Variants in CHGB observed in about 807,000 individuals in gnomAD.
CHGB encodes the protein secretogranin-1.
Under a neutral mutation model 69.9 loss-of-function variants are expected in CHGB, and 46 were observed. The ratio of observed to expected loss-of-function variants is 0.66; its 90% confidence interval spans 0.52 to 0.84. The LOEUF is 0.84. Ranked by LOEUF, CHGB falls within the 40% of genes least tolerant of loss-of-function variation. The pLI is 0.00. For synonymous variants in CHGB, 312 were observed against 298.2 expected, an observed-to-expected ratio of 1.05 and a Z score of -0.48; for missense variants, 796 against 822.2, an observed-to-expected ratio of 0.97 and a Z score of 0.39.
chr20:5,919,428 C>T (rs539100670), intron 3 of CHGB, among the ~76,000 whole-genome samples: 1 of 152,260 alleles, frequency 6.6e-6, no homozygotes, highest in Non-Finnish European at 1.5e-5. Context: ...CAGAGCTAGA[C>T]AGACAAATAA....
intron 3 of CHGB, among the ~76,000 whole-genome samples, chr20:5,921,312 G>A (rs925586609): frequency 6.6e-6 from 1 of 152,146 alleles, no homozygotes; most frequent in African/African-American, 2.4e-5. Flanking sequence ...CATTTCAAGT[G>A]CTCAACAGCA....
Position 5,922,649 on chromosome 20 carries a change from G to C in CHGB, c.505G>C (p.Glu169Gln). The change falls in exon 4 of 5, where the codon GAG becomes CAG. Residue 169 changes from glutamate (E) to glutamine (Q), a missense_variant. Glu to Gln is a conservative substitution (Grantham distance 29, BLOSUM62 2). Coordinates refer to ENST00000378961, the MANE Select transcript of CHGB (RefSeq NM_001819.3). ...CCAGAGAGAGGATGAGGAGGAGGAGGAGGGAGAGAACTATCAAAAAGGGGA... is the reference window on the plus strand; with the variant it reads ...CCAGAGAGAGGATGAGGAGGAGGAGCAGGGAGAGAACTATCAAAAAGGGGA... Reference protein sequence around the residue: ...KSQREDEEEEEGENYQKGERG... With the variant: ...KSQREDEEEEQGENYQKGERG... The C allele has an allele frequency of 1.2e-6, 2 of 1,614,040 alleles. No individual in the cohort carries two copies. Among genetic ancestry groups the C allele is most frequent in the Non-Finnish European group, 1.7e-6 (2 of 1,179,918 alleles).
Position 5,923,663 on chromosome 20 carries a change from A to T in CHGB, c.1519A>T (p.Ser507Cys), listed in dbSNP as rs762562313. Residue 507 changes from serine to cysteine, a missense_variant, in exon 4 of 5, where the codon AGC becomes TGC. By Grantham distance (112) the Ser-to-Cys change is moderately radical. Around this residue, in one of 3 missense-constraint regions of CHGB, gnomAD observed 274 missense variants for 298.9 expected, o/e 0.92. Coordinates refer to ENST00000378961, the MANE Select transcript of CHGB (RefSeq NM_001819.3). ...AGCTAGGTTTCAAGATAAACAATATAGCTCCCATCACACAGCTGAAAAGAG... is the reference window on the plus strand; with the variant it reads ...AGCTAGGTTTCAAGATAAACAATATTGCTCCCATCACACAGCTGAAAAGAG... The part of the protein sequence containing the change: ...EEARFQDKQY[S>C]SHHTAEKRKR... 6.2e-7 allele frequency: 1 copy of T among 1,614,136 alleles called. No homozygotes were observed. The highest frequency in any genetic ancestry group is 8.5e-7 in the Non-Finnish European group (1 of 1,180,034).
rs1221117593 is a variant in CHGB, at chr20:5,922,391, G to A, written c.247G>A (p.Val83Ile). 3 of 1,586,620 alleles carry A rather than the reference G, an allele frequency of 1.9e-6. No homozygotes were observed. Among genetic ancestry groups the A allele is most frequent in the South Asian group, 1.1e-5 (1 of 89,494 alleles). Residue 83 changes from valine to isoleucine, a missense_variant, in exon 4 of 5, where the codon GTA becomes ATA. This residue lies in a region of CHGB where 518 missense variants were observed against 506.3 expected (regional missense o/e 1.02). Transcript: ENST00000378961. Reference sequence around the variant, plus strand: ...TGAAAATGAAAACACAAAGTTTGAAGTAAGATTGTTAAGAGACCCAGCTGA... The same window carrying A: ...TGAAAATGAAAACACAAAGTTTGAAATAAGATTGTTAAGAGACCCAGCTGA... ...TTENENTKFE[V>I]RLLRDPADAS...
In CHGB at chr20:5,922,787, G is replaced by T. The variant is rs2088523243; in HGVS notation, c.643G>T (p.Ala215Ser). ...AGCTATAAAAAAAGAGGAGTTAGTG[G>T]CCAGATCGGAAACACATGCTGCCGG... ...ASAIKKEELV[A>S]RSETHAAGHS... The change falls in exon 4 of 5, where the codon GCC becomes TCC. Residue 215 changes from alanine to serine, a missense_variant. Physicochemically the swap from Ala to Ser is moderately conservative, Grantham distance 99. Transcript: ENST00000378961. The T allele has an allele frequency of 6.2e-7, 1 of 1,614,028 alleles. No homozygotes were observed. The highest frequency in any genetic ancestry group is 1.3e-5 in the African/African-American group (1 of 74,916).
rs759076072 is a variant in CHGB at position 5,923,465 on chromosome 20, T to C, written c.1321T>C (p.Leu441=). The C allele has an allele frequency of 6.2e-6, 10 of 1,613,970 alleles. No homozygotes were observed. In the South Asian group the frequency reaches 1.1e-4, roughly 18 times the overall value. The change falls in exon 4 of 5, where the codon TTG becomes CTG. Residue 441 remains leucine, a synonymous_variant. Coordinates refer to ENST00000378961, the MANE Select transcript of CHGB (RefSeq NM_001819.3). ...MSDTREEKRF[L]GEGHHRVQEN... Reference sequence around the variant, plus strand: ...TGACACCAGAGAAGAGAAAAGGTTCTTGGGTGAAGGACACCACCGTGTCCA... The same window carrying C: ...TGACACCAGAGAAGAGAAAAGGTTCCTGGGTGAAGGACACCACCGTGTCCA...
In CHGB at chr20:5,925,262, A is replaced by G. The variant is rs371343903; in HGVS notation, c.*213A>G. 3.4e-5 allele frequency: 14 copies of G among 413,420 alleles called. No individual in the cohort carries two copies. In the East Asian group the frequency reaches 4.1e-4, roughly 12 times the overall value. The allele number at this position is 413,420 out of a possible 1,614,324, so 25.6% of individuals were successfully genotyped here. ...ACTTGTAGCATATTCTTTTCTGCAA[A>G]ATAGACATATTAACATGCTTATGAC... On this transcript the variant is annotated 3_prime_UTR_variant, in exon 5 of 5. Coordinates refer to ENST00000378961, the MANE Select transcript of CHGB (RefSeq NM_001819.3).
chr20:5,914,164 G>A (rs2088462672), intron 1 of CHGB, among the ~76,000 whole-genome samples: 1 of 151,254 alleles, frequency 6.6e-6, no homozygotes, highest in Non-Finnish European at 1.5e-5. Flanking sequence ...TTTCTGTTGT[G>A]CCACCTGAAT....
intron 3 of CHGB, among the ~76,000 whole-genome samples, chr20:5,919,200 A>G (rs1384031161): frequency 6.6e-6 from 1 of 152,236 alleles, no homozygotes; most frequent in African/African-American, 2.4e-5. Context: ...CCTGCCTGCC[A>G]AGATCTTAGC....
intron 3 of CHGB, chr20:5,917,872 C>T (rs755554317): frequency 6.8e-6 from 1 of 147,910 alleles, no homozygotes; most frequent in African/African-American, 2.7e-5. Context: ...TAGTGGCTCA[C>T]ACCTGTAATC....
chr20:5,919,569 G>A (rs2088501720), intron 3 of CHGB, among the ~76,000 whole-genome samples: 2 of 152,160 alleles, frequency 1.3e-5, no homozygotes, highest in Admixed American at 6.5e-5. Flanking sequence ...CAAATCTTGG[G>A]ATTTTTCAAA....
chr20:5,924,458 G>A (rs1050132409), intron 4 of CHGB, among the ~76,000 whole-genome samples: 6 of 152,182 alleles, frequency 3.9e-5, no homozygotes, highest in African/African-American at 1.2e-4. Context: ...TTCAGCCAAC[G>A]TTAACAACTG....
intron 1 of CHGB, among the ~76,000 whole-genome samples, chr20:5,912,236 A>G (rs889066263): frequency 6.6e-6 from 1 of 152,196 alleles, no homozygotes; most frequent in Non-Finnish European, 1.5e-5. Flanking sequence ...ATGTGTGTGT[A>G]TGTGTGCTCA....
rs373267794 is a variant in CHGB, at chr20:5,918,601, A to C, written c.190+1682A>C. On this transcript the variant is annotated intron_variant, in intron 3 of 4. Transcript: ENST00000378961. Reference sequence around the variant, plus strand: ...GCTGAGGCGGGCGGATCACAAGGTCAGGAGATCAAGACCATCCTGTCTAAC... The same window carrying C: ...GCTGAGGCGGGCGGATCACAAGGTCCGGAGATCAAGACCATCCTGTCTAAC... 9.9e-5 allele frequency among the ~76,000 whole-genome samples: 15 copies of C among 151,832 alleles called. No individual in the cohort carries two copies. In the East Asian group the frequency reaches 1.4e-3, roughly 14 times the overall value.
At chr20:5,918,491 G>A (rs1363364520) in intron 3 of CHGB, among the ~76,000 whole-genome samples, 1 of 151,886 alleles carries the variant, frequency 6.6e-6, no homozygotes, top group Admixed American at 6.6e-5. Context: ...TGCATGAAAT[G>A]GTAAAAAGCA....
chr20:5,924,841 A>G, intron 4 of CHGB, 131 bp from the exon 5 acceptor site: 2 of 568,006 alleles, frequency 3.5e-6, no homozygotes, highest in South Asian at 4.0e-5. Context: ...ACACTTTGAG[A>G]GTTACTGAGG....
intron 3 of CHGB, among the ~76,000 whole-genome samples, chr20:5,918,420 C>A (rs982749502): frequency 6.6e-6 from 1 of 151,876 alleles, no homozygotes; most frequent in Non-Finnish European, 1.5e-5. Context: ...AAAAAAACAC[C>A]AAATAAACAC....
intron 4 of CHGB, 128 bp downstream of exon 4, chr20:5,924,228 A>G: frequency 7.4e-7 from 1 of 1,357,086 alleles, no homozygotes; most frequent in Non-Finnish European, 9.8e-7. Flanking sequence ...GTGCTCTAGT[A>G]ATGGAGTGGA....
Position 5,924,039 on chromosome 20 carries a change from C to T in CHGB, c.1895C>T (p.Thr632Ile). The T allele has an allele frequency of 6.2e-7, 1 of 1,613,628 alleles. No individual in the cohort carries two copies. The highest frequency in any genetic ancestry group is 8.5e-7 in the Non-Finnish European group (1 of 1,179,780). The change falls in exon 4 of 5, where the codon ACC becomes ATC. Residue 632 changes from threonine (T) to isoleucine (I), a missense_variant. Thr to Ile is a moderately conservative substitution (Grantham distance 89). Transcript: ENST00000378961. ...DFYDSEEPVS[T>I]HQEAENEKDR... Reference sequence around the variant, plus strand: ...TATGATTCTGAGGAGCCGGTGAGCACCCACCAGGAGGCAGAAAATGAAAAG... The same window carrying T: ...TATGATTCTGAGGAGCCGGTGAGCATCCACCAGGAGGCAGAAAATGAAAAG...
Sources: allele counts gnomAD v4.1 joint callset (sites outside exome capture counted in the v4.1 genomes callset), GRCh38; gene constraint gnomAD v4.1.1; regional missense constraint gnomAD v4.1.1; transcripts MANE v1.5; gene names NCBI Gene and HGNC (gene_info 2026-07-23, HGNC 2026-07-21).